The following GLRX3 variants were observed in gnomAD, a reference collection of about 807,000 sequenced individuals.
GLRX3 encodes glutaredoxin-3.
Under a neutral mutation model 49.5 loss-of-function variants are expected in GLRX3, and 22 were observed. The ratio of observed to expected loss-of-function variants is 0.44; its 90% CI spans 0.32 to 0.63. The LOEUF (loss-of-function observed/expected upper bound fraction) is 0.63, where lower values mean the gene tolerates loss of function less well. Ranked by LOEUF, GLRX3 falls within the 30% of genes least tolerant of loss-of-function variation. GLRX3 has a pLI of 0.05. For missense variants in GLRX3, 385 were observed against 396.3 expected, an observed-to-expected ratio of 0.97 and a Z score of 0.24; for synonymous variants, 133 against 140.0, an observed-to-expected ratio of 0.95 and a Z score of 0.35.
At chr10:130,138,509 C>G (rs1346992561) in intron 1 of GLRX3, among the ~76,000 whole-genome samples, 3 of 152,096 alleles carry the variant, frequency 2.0e-5, no homozygotes, top group African/African-American at 7.2e-5. Context: ...GTTAGAAATG[C>G]TTTATGGGGG....
intron 2 of GLRX3, among the ~76,000 whole-genome samples, chr10:130,146,672 T>C (rs1862276215): frequency 6.6e-6 from 1 of 152,214 alleles, no homozygotes; most frequent in African/African-American, 2.4e-5. Context: ...GCCTGAATCC[T>C]TAAGATTTAA....
intron 10 of GLRX3, among the ~76,000 whole-genome samples, chr10:130,177,842 G>C (rs866828946): frequency 7.2e-5 from 11 of 152,170 alleles, no homozygotes; most frequent in Non-Finnish European, 1.6e-4. Context: ...GATTTTAATG[G>C]TTTTATTGAT....
chr10:130,176,770 C>CTCCCTCTG (rs1554958611), intron 10 of GLRX3, among the ~76,000 whole-genome samples: 21 of 114,480 alleles, frequency 1.8e-4, no homozygotes, highest in Admixed American at 8.6e-4. Context: ...CCCTCCCTCC[C>CTCCCTCTG]TCTTTCTCTC....
At chr10:130,153,820 C>G (rs1056357660) in intron 2 of GLRX3, among the ~76,000 whole-genome samples, 3 of 152,152 alleles carry the variant, frequency 2.0e-5, no homozygotes, top group African/African-American at 7.2e-5. Flanking sequence ...GGGAGAACCA[C>G]CTGCTCTCTT....
intron 6 of GLRX3, among the ~76,000 whole-genome samples, chr10:130,168,003 C>A (rs562207031): frequency 1.3e-5 from 2 of 152,266 alleles, no homozygotes; most frequent in African/African-American, 4.8e-5. Flanking sequence ...TTTTTATATG[C>A]TTGTATTTGC....
intron 10 of GLRX3, among the ~76,000 whole-genome samples, chr10:130,176,451 A>G (rs1412654873): frequency 2.0e-5 from 3 of 152,142 alleles, no homozygotes; most frequent in Non-Finnish European, 4.4e-5. Flanking sequence ...TGCTTTTGTA[A>G]AGTGAAGCAC....
At chr10:130,169,318 A>C in intron 6 of GLRX3, 115 bp from the exon 7 acceptor site, 1 of 715,602 alleles carries the variant, frequency 1.4e-6, no homozygotes, top group South Asian at 1.5e-5. Context: ...ATACCACTCA[A>C]AGCTGTGAAC....
At chr10:130,178,412 G>A (rs1281434089) in intron 10 of GLRX3, among the ~76,000 whole-genome samples, 1 of 151,908 alleles carries the variant, frequency 6.6e-6, no homozygotes, top group Admixed American at 6.6e-5. Context: ...ATGCCACCAT[G>A]CCCACCTGGC....
chr10:130,165,186 A>G (rs969105632), intron 4 of GLRX3, among the ~76,000 whole-genome samples: 21 of 152,238 alleles, frequency 1.4e-4, no homozygotes, highest in Non-Finnish European at 2.8e-4. Flanking sequence ...TCTTATAGAA[A>G]TTTTGAATCT....
intron 8 of GLRX3, among the ~76,000 whole-genome samples, chr10:130,172,406 A>G (rs1271709497): frequency 6.6e-6 from 1 of 152,230 alleles, no homozygotes; most frequent in Non-Finnish European, 1.5e-5. Context: ...CTGTCAGGTA[A>G]GAACATTGCC....
chr10:130,164,982 G>T (rs1862653364), intron 4 of GLRX3, among the ~76,000 whole-genome samples: 1 of 152,188 alleles, frequency 6.6e-6, no homozygotes, highest in Non-Finnish European at 1.5e-5. Flanking sequence ...CAACTTATAT[G>T]CTATACAAAT....
chr10:130,174,851 C>G lies in GLRX3; in HGVS notation c.825-16C>G, dbSNP rs776923387. 8 of 1,519,060 alleles carry G rather than the reference C, an allele frequency of 5.3e-6. No homozygotes were observed. In the South Asian group the frequency reaches 9.0e-5, roughly 17 times the overall value. 94.1% of individuals were successfully genotyped at this position (1,519,060 alleles called of 1,614,324 possible). On this transcript the variant is annotated splice_polypyrimidine_tract_variant and intron_variant, in intron 8 of 10. Transcript: ENST00000331244. ...TTAACTGTATTTCCAGTTAAAATGT[C>G]TTCTCTTTTTTGCAGTGTTGAATAT...
At chr10:130,164,292 A>G (rs1590068864) in intron 4 of GLRX3, among the ~76,000 whole-genome samples, 1 of 152,240 alleles carries the variant, frequency 6.6e-6, no homozygotes, top group Non-Finnish European at 1.5e-5. Flanking sequence ...ACTGAGGTAT[A>G]TGTCATCTTA....
At chr10:130,139,641 C>CAA (rs530321909) in intron 1 of GLRX3, among the ~76,000 whole-genome samples, 12,142 of 100,166 alleles carry the variant, frequency 0.12, 689 homozygotes, top group Non-Finnish European at 0.16. Context: ...GACTCCATCT[C>CAA]AAAAAAAAAA....
chr10:130,148,221 C>T (rs1248587254), intron 2 of GLRX3, among the ~76,000 whole-genome samples: 4 of 152,020 alleles, frequency 2.6e-5, no homozygotes, highest in Admixed American at 6.6e-5. Context: ...CAGCCTCTAC[C>T]TCCCAGGCTC....
intron 7 of GLRX3, 110 bp from the exon 8 acceptor site, chr10:130,171,474 G>A (rs1862806982): frequency 1.4e-6 from 1 of 718,426 alleles, no homozygotes; most frequent in South Asian, 1.5e-5. Context: ...AGTGAAAGTA[G>A]TGGCAGCTAT....
intron 7 of GLRX3, among the ~76,000 whole-genome samples, chr10:130,169,856 G>A (rs1364168565): frequency 2.0e-5 from 3 of 152,210 alleles, no homozygotes; most frequent in South Asian, 2.1e-4. Flanking sequence ...GAACCTGGTC[G>A]TGCTTGGGTT....
intron 7 of GLRX3, among the ~76,000 whole-genome samples, chr10:130,171,276 C>A (rs1862802530): frequency 6.6e-6 from 1 of 152,182 alleles, no homozygotes; most frequent in African/African-American, 2.4e-5. Context: ...GAACTCAAAT[C>A]TCTGTAGAAA....
At chr10:130,170,958 C>A (rs1223748989) in intron 7 of GLRX3, among the ~76,000 whole-genome samples, 1 of 152,062 alleles carries the variant, frequency 6.6e-6, no homozygotes, top group East Asian at 1.9e-4. Flanking sequence ...GAAACCCCAT[C>A]TTTACTAAAA....
Sources: allele counts gnomAD v4.1 joint callset (sites outside exome capture counted in the v4.1 genomes callset), GRCh38; gene constraint gnomAD v4.1.1; transcripts MANE v1.5; gene names NCBI Gene and HGNC (gene_info 2026-07-23, HGNC 2026-07-21).